Variants in PDE4B observed in about 807,000 individuals in gnomAD.
PDE4B encodes 3',5'-cyclic-AMP phosphodiesterase 4B.
A neutral mutation model predicts 82.2 loss-of-function variants in PDE4B; 20 were observed. The observed-to-expected ratio is 0.24, with a 90% CI of 0.17 to 0.35. PDE4B has a LOEUF of 0.35. Among genes scored for constraint, PDE4B ranks in the 10% least tolerant of loss-of-function variants. The pLI is 1.00. For synonymous variants in PDE4B, 320 were observed against 318.9 expected, an observed-to-expected ratio of 1.00 and a Z score of -0.04; for missense variants, 655 against 907.2, an observed-to-expected ratio of 0.72 and a Z score of 3.57.
intron 3 of PDE4B, among the ~76,000 whole-genome samples, chr1:66,044,015 T>C (rs1427863925): frequency 6.6e-6 from 1 of 151,330 alleles, no homozygotes; most frequent in Non-Finnish European, 1.5e-5. Flanking sequence ...AATGAAGGTC[T>C]GTCAAGTATT....
At chr1:65,890,316 C>A (rs2100382802) in intron 1 of PDE4B, among the ~76,000 whole-genome samples, 1 of 152,070 alleles carries the variant, frequency 6.6e-6, no homozygotes, top group Non-Finnish European at 1.5e-5. Context: ...GGTGGCTGAG[C>A]ACATCAGGTT....
At chr1:66,259,721 T>G (rs1471602648) in intron 6 of PDE4B, among the ~76,000 whole-genome samples, 1 of 152,234 alleles carries the variant, frequency 6.6e-6, no homozygotes, top group Non-Finnish European at 1.5e-5. Context: ...AATAGCAGAA[T>G]GCCTGACATA....
intron 1 of PDE4B, among the ~76,000 whole-genome samples, chr1:65,815,351 C>G (rs1236304189): frequency 1.3e-5 from 2 of 152,032 alleles, no homozygotes; most frequent in African/African-American, 4.8e-5. Flanking sequence ...GTTGGTGTTT[C>G]AAGTCACGAG....
rs72918285 is a variant in PDE4B at position 66,066,793 on chromosome 1, G to A, written c.281+147958G>A. Among the ~76,000 whole-genome samples the A allele has an allele frequency of 8.7e-3, 1,323 of 152,016 alleles. 20 individuals are homozygous for A. Among genetic ancestry groups the A allele is most frequent in the African/African-American group, 0.03 (1,239 of 41,502 alleles). On this transcript the variant is annotated intron_variant, in intron 3 of 16. Transcript: ENST00000341517. ...GAATGTTGGCTTTTTAGTTTCAAAG[G>A]TTTAAATATGAATCTTGGCTCAGAC...
chr1:65,902,990 T>A (rs1469429410), intron 1 of PDE4B, among the ~76,000 whole-genome samples: 1 of 152,150 alleles, frequency 6.6e-6, no homozygotes, highest in African/African-American at 2.4e-5. Flanking sequence ...CTTTTATGGA[T>A]CTCTATATTT....
At chr1:65,858,104 G>T (rs1222365385) in intron 1 of PDE4B, among the ~76,000 whole-genome samples, 1 of 152,122 alleles carries the variant, frequency 6.6e-6, no homozygotes, top group Non-Finnish European at 1.5e-5. Context: ...TTTCTACTGA[G>T]AACTAATTTT....
intron 7 of PDE4B, among the ~76,000 whole-genome samples, chr1:66,328,706 C>T (rs1484810276): frequency 1.3e-5 from 2 of 152,208 alleles, no homozygotes; most frequent in African/African-American, 4.8e-5. Flanking sequence ...GTCCAGCTTC[C>T]TTTTTCCCAC....
intron 7 of PDE4B, among the ~76,000 whole-genome samples, chr1:66,293,183 G>T (rs895052882): frequency 2.0e-5 from 3 of 152,092 alleles, no homozygotes; most frequent in Admixed American, 1.3e-4. Context: ...GAAGCACTGG[G>T]GCACTCTAAA....
chr1:66,011,080 G>A (rs1306509661), intron 3 of PDE4B, among the ~76,000 whole-genome samples: 7 of 151,728 alleles, frequency 4.6e-5, no homozygotes, highest in Non-Finnish European at 1.0e-4. Context: ...CATGCATGTT[G>A]TTTTATGTAT....
chr1:65,971,610 T>C lies in PDE4B; in HGVS notation c.281+52775T>C, dbSNP rs147020103. 3.6e-3 allele frequency among the ~76,000 whole-genome samples: 545 copies of C among 152,284 alleles called. 4 individuals are homozygous for C. Among genetic ancestry groups the C allele is most frequent in the Middle Eastern group, 6.8e-3 (2 of 294 alleles). Reference sequence around the variant, plus strand: ...GTAGCCACCAGCATAGTTTGGAGAATGATATGTAGTGGAAGTGAAATGAAA... The same window carrying C: ...GTAGCCACCAGCATAGTTTGGAGAACGATATGTAGTGGAAGTGAAATGAAA... On this transcript the variant is annotated intron_variant, in intron 3 of 16. Coordinates refer to ENST00000341517, the MANE Select transcript of PDE4B (RefSeq NM_002600.4).
chr1:65,897,844 A>G (rs1388202041), intron 1 of PDE4B, among the ~76,000 whole-genome samples: 1 of 152,164 alleles, frequency 6.6e-6, no homozygotes, highest in Admixed American at 6.6e-5. Flanking sequence ...CTTTGGGTAT[A>G]TGCCCAGTGA....
rs959221480 is a variant in PDE4B at position 66,189,520 on chromosome 1, CTTTG to C, written c.282-57932_282-57929del. ...CACATAGTCCCATATTTCTTGGAGG[CTTTG>C]TTTGTTTCTTTTTATTCTTTTTTCT... On this transcript the variant is annotated intron_variant, in intron 3 of 16. Transcript: ENST00000341517. 2.2e-4 allele frequency among the ~76,000 whole-genome samples: 34 copies of C among 152,252 alleles called. No individual in the cohort carries two copies. The East Asian group carries it at 4.6e-3, about 21-fold the overall frequency.
chr1:66,096,789 C>T (rs1489532296), intron 3 of PDE4B, among the ~76,000 whole-genome samples: 2 of 151,638 alleles, frequency 1.3e-5, no homozygotes, highest in African/African-American at 4.8e-5. Context: ...TCTAAACAAT[C>T]TCCTTCCTGC....
intron 3 of PDE4B, among the ~76,000 whole-genome samples, chr1:66,204,460 G>C (rs1009002166): frequency 1.3e-5 from 2 of 152,252 alleles, no homozygotes; most frequent in Non-Finnish European, 2.9e-5. Context: ...AGCCTACAGA[G>C]GCCGGCAGGC....
At chr1:66,060,574 T>C (rs561307709) in intron 3 of PDE4B, among the ~76,000 whole-genome samples, 27 of 152,334 alleles carry the variant, frequency 1.8e-4, no homozygotes, top group Non-Finnish European at 3.2e-4. Context: ...TAACACACTT[T>C]GTATTGATTA....
intron 3 of PDE4B, among the ~76,000 whole-genome samples, chr1:66,168,052 C>G (rs1310489461): frequency 6.6e-6 from 1 of 152,128 alleles, no homozygotes; most frequent in Non-Finnish European, 1.5e-5. Context: ...CACTCTGACC[C>G]AAAATATTAT....
At chr1:66,097,062 T>C (rs529405454) in intron 3 of PDE4B, among the ~76,000 whole-genome samples, 184 of 152,172 alleles carry the variant, frequency 1.2e-3, no homozygotes, top group African/African-American at 4.3e-3. Context: ...GGCATGAACA[T>C]GTGAGTACAA....
rs190247760 is a variant in PDE4B, at chr1:66,098,676, A to G, written c.282-148784A>G. On this transcript the variant is annotated intron_variant, in intron 3 of 16. Coordinates refer to ENST00000341517, the MANE Select transcript of PDE4B (RefSeq NM_002600.4). Reference sequence around the variant, plus strand: ...ACCCAGTTAGAAATATTAACACTTTAACATTCAAGAAAGAAAGTCTAAAGA... The same window carrying G: ...ACCCAGTTAGAAATATTAACACTTTGACATTCAAGAAAGAAAGTCTAAAGA... Among the ~76,000 whole-genome samples the G allele has an allele frequency of 6.2e-3, 940 of 152,250 alleles. 13 individuals are homozygous for G. Among genetic ancestry groups the G allele is most frequent in the Non-Finnish European group, 6.9e-3 (472 of 67,994 alleles).
chr1:65,877,163 T>C (rs1646654287), intron 1 of PDE4B, among the ~76,000 whole-genome samples: 1 of 152,152 alleles, frequency 6.6e-6, no homozygotes, highest in Non-Finnish European at 1.5e-5. Context: ...ACTACAAGGC[T>C]ACAGTAACCA....
Sources: gnomAD v4.1 joint callset for allele counts (sites outside exome capture counted in the v4.1 genomes callset) on GRCh38, gnomAD v4.1.1 for gene constraint, MANE v1.5 for transcripts, NCBI Gene and HGNC (gene_info 2026-07-23, HGNC 2026-07-21) for gene names.